SOD2: variants seen among roughly 807,000 people sequenced by gnomAD.
The protein encoded by SOD2 is superoxide dismutase [Mn], mitochondrial.
Under a neutral mutation model 27.0 loss-of-function variants are expected in SOD2, and 11 were observed. That is an observed-to-expected ratio of 0.41 (90% CI 0.26 to 0.67). SOD2 has a LOEUF of 0.67. SOD2 is among the 30% of genes least tolerant of loss of function. SOD2 has a pLI of 0.34. For synonymous variants in SOD2, 105 were observed against 103.0 expected, an observed-to-expected ratio of 1.02 and a Z score of -0.12; for missense variants, 250 against 274.5, an observed-to-expected ratio of 0.91 and a Z score of 0.63.
exon 1 of SOD2, chr6:159,762,171 T>C (rs747269052): frequency 1.3e-6 from 2 of 1,597,386 alleles, no homozygotes; most frequent in South Asian, 2.2e-5. Flanking sequence ...CCGCGCAGAG[T>C]CCGAGGCGCC....
chr6:159,718,514 C>CT (rs1379702601), intron 1 of SOD2, among the ~76,000 whole-genome samples: 1 of 152,008 alleles, frequency 6.6e-6, no homozygotes, highest in Non-Finnish European at 1.5e-5. Flanking sequence ...TGTCAGAAGT[C>CT]TTTGTGGTCT....
upstream of SOD2, among the ~76,000 whole-genome samples, chr6:159,693,614 AG>A (rs1777349011): frequency 6.6e-6 from 1 of 152,098 alleles, no homozygotes; most frequent in Admixed American, 6.5e-5. Flanking sequence ...TGGCTGCACT[AG>A]GCGGCTGCGG....
At chr6:159,692,941 G>A in intron 1 of SOD2, 78 bp from the exon 2 acceptor site, 8 of 1,392,484 alleles carry the variant, frequency 5.7e-6, no homozygotes, top group Non-Finnish European at 6.6e-6. Flanking sequence ...AGGAACGGCA[G>A]CGCGCGGCGT....
intron 1 of SOD2, among the ~76,000 whole-genome samples, chr6:159,735,146 GTTGT>G (rs970435353): frequency 2.8e-4 from 42 of 152,214 alleles, no homozygotes; most frequent in African/African-American, 8.4e-4. Flanking sequence ...GTGAGTTTTT[GTTGT>G]TTGTTTGTTT....
rs750824041 is a variant in SOD2, at chr6:159,685,219, C to CTTTTTTTTTTTTTTTTTTTTTTT, written c.344-209_344-187dup. Reference sequence around the variant, plus strand: ...ACGTTTTTGTTTTTTATAACTTCAACTTTTTTTTTTTTTTTTTTTTTTTTT... The same window carrying CTTTTTTTTTTTTTTTTTTTTTTT: ...ACGTTTTTGTTTTTTATAACTTCAACTTTTTTTTTTTTTTTTTTTTTTTTTTTTTTTTTTTTTTTTTTTTTTTT... On this transcript the variant is annotated intron_variant, in intron 3 of 4. Coordinates refer to ENST00000538183, the MANE Select transcript of SOD2 (RefSeq NM_000636.4). 5.7e-4 allele frequency among the ~76,000 whole-genome samples: 42 copies of CTTTTTTTTTTTTTTTTTTTTTTT among 73,920 alleles called. 1 individual carries two copies. Among genetic ancestry groups the CTTTTTTTTTTTTTTTTTTTTTTT allele is most frequent in the Non-Finnish European group, 6.8e-4 (28 of 40,958 alleles). The allele number at this position is 73,920 out of a possible 152,430, so 48.5% of individuals were successfully genotyped here.
chr6:159,736,323 G>T, intron 1 of SOD2: 1 of 1,582,648 alleles, frequency 6.3e-7, no homozygotes, highest in Non-Finnish European at 8.6e-7. Flanking sequence ...GGGTTTTTTT[G>T]TTTTGTTTTG....
chr6:159,739,116 T>C, intron 1 of SOD2: 1 of 1,249,582 alleles, frequency 8.0e-7, no homozygotes, highest in Non-Finnish European at 1.1e-6. Context: ...ACTGTAATTG[T>C]CTTTGTGCCA....
intron 1 of SOD2, chr6:159,726,859 C>G (rs1583052792): frequency 7.8e-7 from 1 of 1,289,230 alleles, no homozygotes; most frequent in East Asian, 5.5e-5. Context: ...TACAGGTGAG[C>G]TTCTGCTAAG....
upstream of SOD2, chr6:159,748,045 A>T: frequency 9.3e-7 from 1 of 1,071,162 alleles, no homozygotes; most frequent in Non-Finnish European, 1.3e-6. This position sits in a 1 kb window ranked among gnomAD's most constrained non-coding sequence, Gnocchi z 5.6. Flanking sequence ...AGAAAGTTTT[A>T]AGATTTTTCT....
chr6:159,759,250 A>T (rs1226400824), intron 1 of SOD2, among the ~76,000 whole-genome samples: 2 of 150,000 alleles, frequency 1.3e-5, no homozygotes, highest in African/African-American at 2.4e-5. Flanking sequence ...GTAGAGACAG[A>T]GTTTCTGCAT....
At chr6:159,740,770 C>T (rs2842976) in intron 1 of SOD2, among the ~76,000 whole-genome samples, 70,218 of 149,328 alleles carry the variant, frequency 0.47, 18,419 homozygotes, top group Non-Finnish European at 0.58. Flanking sequence ...GTTGCGCGAT[C>T]TCGGCTCACT....
intron 1 of SOD2, among the ~76,000 whole-genome samples, chr6:159,703,419 A>C (rs1235681844): frequency 1.3e-5 from 2 of 150,738 alleles, no homozygotes; most frequent in Non-Finnish European, 3.0e-5. Context: ...TTTTTTTTTT[A>C]AAGGAAGATT....
chr6:159,749,021 A>G, upstream of SOD2: 1 of 1,003,698 alleles, frequency 1.0e-6, no homozygotes, highest in East Asian at 1.0e-4. Context: ...CCGTACAAGT[A>G]GCGCATATAT....
At chr6:159,723,899 T>C (rs1266556782) in intron 1 of SOD2, among the ~76,000 whole-genome samples, 1 of 152,124 alleles carries the variant, frequency 6.6e-6, no homozygotes, top group Non-Finnish European at 1.5e-5. Flanking sequence ...GCTAGGACTA[T>C]AGGCACAGGC....
In SOD2 at chr6:159,740,708, CT is replaced by C. The variant is rs565299103; in HGVS notation, c.-116+4421del. Among the ~76,000 whole-genome samples the C allele has an allele frequency of 4.8e-3, 609 of 126,510 alleles. 1 individual carries two copies. The highest frequency in any genetic ancestry group is 0.011 in the African/African-American group (373 of 34,610). The allele number at this position is 126,510 out of a possible 152,430, so 83.0% of individuals were successfully genotyped here. A position where few individuals can be genotyped will look rare whatever the true frequency, so the allele number is the denominator to read the frequency against. Reference sequence around the variant, plus strand: ...GGTTTTTTTTTTTTCTTTTTTCTTTCTTTTTTTTTTTTTTAAGACAGAGTCT... The same window carrying C: ...GGTTTTTTTTTTTTCTTTTTTCTTTCTTTTTTTTTTTTTAAGACAGAGTCT... On this transcript the variant is annotated intron_variant, in intron 1 of 3. Coordinates refer to the SOD2 transcript ENST00000537657.
chr6:159,751,867 G>A (rs1426807602), intron 1 of SOD2, among the ~76,000 whole-genome samples: 1 of 152,118 alleles, frequency 6.6e-6, no homozygotes. Flanking sequence ...TTTGAGACCA[G>A]CCTGGGCAAC....
At chr6:159,698,661 C>T (rs1472476009) in intron 1 of SOD2, among the ~76,000 whole-genome samples, 1 of 150,412 alleles carries the variant, frequency 6.6e-6, no homozygotes, top group East Asian at 1.9e-4. Context: ...CTTTTGACTC[C>T]CCAAAAACTT....
At chr6:159,758,255 GA>G (rs71742935) in intron 1 of SOD2, among the ~76,000 whole-genome samples, 44,481 of 141,494 alleles carry the variant, frequency 0.31, 7,523 homozygotes, top group African/African-American at 0.49. Flanking sequence ...GGGCTGCTGT[GA>G]AAAAAAAAAA....
intron 1 of SOD2, among the ~76,000 whole-genome samples, chr6:159,710,770 C>T (rs1162196124): frequency 7.1e-6 from 1 of 139,980 alleles, no homozygotes; most frequent in Non-Finnish European, 1.6e-5. Flanking sequence ...GCTCTGACCT[C>T]CATAACCACC....
Sources: allele counts gnomAD v4.1 joint callset (sites outside exome capture counted in the v4.1 genomes callset), GRCh38; gene constraint gnomAD v4.1.1; non-coding constraint Gnocchi (gnomAD v3.1); transcripts MANE v1.5; gene names NCBI Gene and HGNC (gene_info 2026-07-23, HGNC 2026-07-21).